LNP1: variants seen among roughly 807,000 people sequenced by gnomAD.
LNP1 encodes leukemia NUP98 fusion partner 1.
LNP1 carries 12 observed loss-of-function variants against 14.5 expected under a neutral mutation model. That is an observed-to-expected ratio of 0.83 (90% CI 0.53 to 1.34). The LOEUF (loss-of-function observed/expected upper bound fraction) is 1.34. Among genes scored for constraint, LNP1 ranks in the 40% most tolerant of loss-of-function variants. The pLI is 0.00. For missense variants in LNP1, 198 were observed against 210.9 expected, an observed-to-expected ratio of 0.94 and a Z score of 0.38; for synonymous variants, 75 against 71.4, an observed-to-expected ratio of 1.05 and a Z score of -0.26.
chr3:100,446,646 C>T (rs148170248), intron 2 of LNP1, among the ~76,000 whole-genome samples: 82 of 152,230 alleles, frequency 5.4e-4, no homozygotes, highest in African/African-American at 1.8e-3. Context: ...AAGAAACTAC[C>T]ATCAGAGTGA....
chr3:100,418,213 C>T (rs1707106551), intron 1 of LNP1, among the ~76,000 whole-genome samples: 1 of 151,524 alleles, frequency 6.6e-6, no homozygotes, highest in Non-Finnish European at 1.5e-5. Flanking sequence ...GCACCCACCA[C>T]CACACCCGGC....
intron 1 of LNP1, among the ~76,000 whole-genome samples, chr3:100,413,030 C>T (rs1559839977): frequency 6.6e-6 from 1 of 152,178 alleles, no homozygotes; most frequent in Non-Finnish European, 1.5e-5. Context: ...TGTCCAATAC[C>T]ACTGGTGTCA....
At chr3:100,421,815 C>T (rs559230446) in intron 1 of LNP1, among the ~76,000 whole-genome samples, 3 of 152,182 alleles carry the variant, frequency 2.0e-5, no homozygotes, top group East Asian at 3.9e-4. Context: ...GATATTTGAT[C>T]CTCAGAAAAG....
At chr3:100,429,618 G>T (rs1377785667) in intron 1 of LNP1, 79 bp from the exon 2 acceptor site, 1 of 932,442 alleles carries the variant, frequency 1.1e-6, no homozygotes, top group Non-Finnish European at 1.6e-6. Flanking sequence ...AAAAAGACCA[G>T]TTTCATTTTG....
At chr3:100,425,320 G>A (rs1281819506) in intron 1 of LNP1, among the ~76,000 whole-genome samples, 2 of 152,316 alleles carry the variant, frequency 1.3e-5, no homozygotes, top group East Asian at 1.9e-4. Flanking sequence ...ACTGCCTGAA[G>A]GCAGTTTGTT....
chr3:100,409,288 T>TA (rs1707001327), intron 1 of LNP1, among the ~76,000 whole-genome samples: 1 of 152,010 alleles, frequency 6.6e-6, no homozygotes, highest in African/African-American at 2.4e-5. Flanking sequence ...ACTGAAAAGA[T>TA]ACTATCAGCT....
chr3:100,449,024 C>T (rs1707413393), intron 2 of LNP1, among the ~76,000 whole-genome samples: 1 of 152,146 alleles, frequency 6.6e-6, no homozygotes. Flanking sequence ...GAATAAAAGT[C>T]TGGTGTGCTA....
At chr3:100,423,710 C>G (rs1707166311) in intron 1 of LNP1, among the ~76,000 whole-genome samples, 1 of 152,044 alleles carries the variant, frequency 6.6e-6, no homozygotes, top group Admixed American at 6.6e-5. Flanking sequence ...AGAAAATTCT[C>G]ATTTTCTTGA....
intron 3 of LNP1, among the ~76,000 whole-genome samples, chr3:100,453,351 C>T (rs1292988284): frequency 6.6e-6 from 1 of 151,662 alleles, no homozygotes; most frequent in Non-Finnish European, 1.5e-5. Flanking sequence ...AAGGTTGAGG[C>T]CACGGGATCG....
At chr3:100,452,562 T>C (rs1477877356) in intron 3 of LNP1, among the ~76,000 whole-genome samples, 1 of 151,910 alleles carries the variant, frequency 6.6e-6, no homozygotes, top group Non-Finnish European at 1.5e-5. Context: ...TGTAACTCAT[T>C]CCCCTTTTAC....
intron 2 of LNP1, among the ~76,000 whole-genome samples, chr3:100,434,249 G>C (rs967406251): frequency 6.6e-6 from 1 of 152,192 alleles, no homozygotes; most frequent in African/African-American, 2.4e-5. Flanking sequence ...TGTAAAAGGT[G>C]TAAGGAAGGG....
chr3:100,421,292 G>A (rs978261818), intron 1 of LNP1, among the ~76,000 whole-genome samples: 1 of 152,138 alleles, frequency 6.6e-6, no homozygotes, highest in Non-Finnish European at 1.5e-5. Context: ...CTCTTGCTGG[G>A]GCAGTTAATC....
rs1259169012 is a variant in LNP1, at chr3:100,429,759, T to C, written c.30T>C (p.Asp10=). ...AGCACAAAGATGATGATGATGATGA[T>C]GTGTCTTTTGCCAAATGGATGAGCA... is the stretch of plus-strand genomic sequence containing the variant. MEHKDDDDD[D]VSFAKWMSSF... The change falls in exon 2 of 4, where the codon GAT becomes GAC. Residue 10 remains aspartate, a synonymous_variant. Coordinates refer to ENST00000383693, the MANE Select transcript of LNP1 (RefSeq NM_001085451.2). The C allele has an allele frequency of 6.2e-6, 10 of 1,613,774 alleles. No individual in the cohort carries two copies. Among genetic ancestry groups the C allele is most frequent in the Non-Finnish European group, 2.5e-6 (3 of 1,179,912 alleles).
rs1401171380 is a variant in LNP1, at chr3:100,401,709, CAT to C, written c.-762_-761del. The stretch of plus-strand genomic sequence containing the variant: ...GCATCACTGAACTTCTTATCACTAA[CAT>C]AGCGAGATTTTAGTTTGGACGAATT... On this transcript the variant is annotated 5_prime_UTR_variant, in exon 1 of 4. Coordinates refer to ENST00000383693, the MANE Select transcript of LNP1 (RefSeq NM_001085451.2). The C allele has an allele frequency of 2.0e-5, 3 of 152,234 alleles. No homozygotes were observed. Among genetic ancestry groups the C allele is most frequent in the African/African-American group, 4.8e-5 (2 of 41,450 alleles). The allele number at this position is 152,234 out of a possible 1,614,324, so 9.4% of individuals were successfully genotyped here.
intron 1 of LNP1, among the ~76,000 whole-genome samples, chr3:100,412,182 T>C (rs1286691356): frequency 6.6e-6 from 1 of 152,184 alleles, no homozygotes; most frequent in Non-Finnish European, 1.5e-5. Flanking sequence ...GATGTGAACA[T>C]GTGTGAAGAC....
intron 2 of LNP1, among the ~76,000 whole-genome samples, chr3:100,436,288 T>C (rs1707293493): frequency 6.6e-6 from 1 of 152,126 alleles, no homozygotes; most frequent in Non-Finnish European, 1.5e-5. Context: ...TGCTGGTCAA[T>C]TGTTGTGTCT....
At chr3:100,432,892 G>A (rs1472412542) in intron 2 of LNP1, among the ~76,000 whole-genome samples, 1 of 152,094 alleles carries the variant, frequency 6.6e-6, no homozygotes, top group Non-Finnish European at 1.5e-5. Context: ...AAGATCTTTG[G>A]GAGAAGAAAC....
chr3:100,430,531 G>A (rs969101504), intron 2 of LNP1, among the ~76,000 whole-genome samples: 3 of 152,188 alleles, frequency 2.0e-5, no homozygotes, highest in African/African-American at 7.2e-5. Context: ...ACATGTACAG[G>A]CGGCTATTCT....
At chr3:100,450,278 T>C (rs953185993) in intron 2 of LNP1, among the ~76,000 whole-genome samples, 4 of 151,472 alleles carry the variant, frequency 2.6e-5, no homozygotes, top group Admixed American at 6.6e-5. Flanking sequence ...GCACAACTTA[T>C]ATGGTCACTG....
Sources: allele counts gnomAD v4.1 joint callset (sites outside exome capture counted in the v4.1 genomes callset), GRCh38; gene constraint gnomAD v4.1.1; transcripts MANE v1.5; gene names NCBI Gene and HGNC (gene_info 2026-07-23, HGNC 2026-07-21).